ZFR: variants seen among roughly 807,000 people sequenced by gnomAD.
ZFR encodes zinc finger RNA-binding protein.
Under a neutral mutation model 130.7 loss-of-function variants are expected in ZFR, and 19 were observed. The ratio of observed to expected loss-of-function variants is 0.15; its 90% CI spans 0.10 to 0.21. The LOEUF (loss-of-function observed/expected upper bound fraction) is 0.21, where lower values mean the gene tolerates loss of function less well. Among genes scored for constraint, ZFR ranks in the 10% least tolerant of loss-of-function variants. The pLI, the probability that ZFR is intolerant of heterozygous loss-of-function variation, is 1.00. For synonymous variants in ZFR, 466 were observed against 456.9 expected (o/e 1.02, Z -0.25); for missense variants, 872 against 1,321.5 (o/e 0.66, Z 5.27).
At chr5:32,370,279 A>G (rs1034708909) in intron 17 of ZFR, among the ~76,000 whole-genome samples, 2 of 151,604 alleles carry the variant, frequency 1.3e-5, no homozygotes, top group Non-Finnish European at 2.9e-5. Context: ...GTCTAGAAAT[A>G]AAATATATAA....
chr5:32,357,452 G>T (rs1341179183), intron 19 of ZFR, among the ~76,000 whole-genome samples: 4 of 152,142 alleles, frequency 2.6e-5, no homozygotes, highest in African/African-American at 9.7e-5. Flanking sequence ...TTTTAGTAGA[G>T]ATGGGGTTTC....
intron 4 of ZFR, among the ~76,000 whole-genome samples, chr5:32,415,515 T>TGTGTGTGTGCGC (rs1326041688): frequency 6.1e-5 from 6 of 97,936 alleles, no homozygotes; most frequent in African/African-American, 1.5e-4. Flanking sequence ...TGTGTGTGTG[T>TGTGTGTGTGCGC]GCGCGCGCGC....
chr5:32,391,525 C>CTTTTTTTT (rs34370191), intron 11 of ZFR, among the ~76,000 whole-genome samples: 1 of 134,150 alleles, frequency 7.5e-6, no homozygotes. Flanking sequence ...GAAATCTACT[C>CTTTTTTTT]TTTTTTTTTT....
intron 10 of ZFR, among the ~76,000 whole-genome samples, chr5:32,396,570 T>C (rs1011264416): frequency 4.6e-5 from 7 of 152,080 alleles, no homozygotes; most frequent in Non-Finnish European, 1.0e-4. Context: ...AAACCCCATC[T>C]CTACTAAAAA....
intron 2 of ZFR, 143 bp from the exon 3 acceptor site, chr5:32,420,246 A>T: frequency 1.2e-6 from 1 of 834,342 alleles, no homozygotes; most frequent in Non-Finnish European, 1.7e-6. Flanking sequence ...AAGTACTTGA[A>T]CTCAATAAAC....
chr5:32,380,244 A>C, intron 15 of ZFR, 72 bp from the exon 16 acceptor site: 1 of 1,120,246 alleles, frequency 8.9e-7, no homozygotes, highest in South Asian at 1.3e-5. Flanking sequence ...CACTTCCTTA[A>C]GGTAGCATCA....
chr5:32,361,521 CTACA>C (rs1752430446), intron 19 of ZFR, among the ~76,000 whole-genome samples: 1 of 151,720 alleles, frequency 6.6e-6, no homozygotes, highest in Non-Finnish European at 1.5e-5. Context: ...GTGTTTTCTT[CTACA>C]TTAACAGAAA....
At chr5:32,367,420 A>C (rs1194005569) in intron 17 of ZFR, among the ~76,000 whole-genome samples, 4 of 151,630 alleles carry the variant, frequency 2.6e-5, no homozygotes, top group Non-Finnish European at 4.4e-5. Context: ...GGGCGACAAG[A>C]GTGAAACTCC....
chr5:32,443,054 A>T (rs1262645528), intron 2 of ZFR, among the ~76,000 whole-genome samples: 3 of 152,120 alleles, frequency 2.0e-5, no homozygotes, highest in Non-Finnish European at 4.4e-5. Context: ...TTATTCAAAA[A>T]AAAAAAATCA....
intron 19 of ZFR, among the ~76,000 whole-genome samples, chr5:32,358,599 C>T (rs928361731): frequency 1.3e-5 from 2 of 151,934 alleles, no homozygotes; most frequent in African/African-American, 4.8e-5. Flanking sequence ...GGCTGCACTC[C>T]AGCCTGGGCG....
rs1441927620 is a variant in ZFR, at chr5:32,444,341, C to T, written c.38-13G>A. Reference sequence around the variant, plus strand: ...AGCCGGCTGGGCACTGCGGCGGGCACGAAGAGTCGGGTCCCATGGCGGGAC... The same window carrying T: ...AGCCGGCTGGGCACTGCGGCGGGCATGAAGAGTCGGGTCCCATGGCGGGAC... On this transcript the variant is annotated splice_polypyrimidine_tract_variant and intron_variant, in intron 1 of 19. Coordinates refer to ENST00000265069, the MANE Select transcript of ZFR (RefSeq NM_016107.5). 1.3e-6 allele frequency: 2 copies of T among 1,534,376 alleles called. No homozygotes were observed. The highest frequency in any genetic ancestry group is 5.1e-5 in the East Asian group (2 of 39,176).
At chr5:32,379,675 G>A (rs980016481) in intron 16 of ZFR, 2 of 188,234 alleles carry the variant, frequency 1.1e-5, no homozygotes, top group South Asian at 1.1e-4. Context: ...TTAACTTAGA[G>A]AAAGAGGGGG....
At chr5:32,437,379 AAAGTGTATACAAGACT>A (rs1358096568) in intron 2 of ZFR, among the ~76,000 whole-genome samples, 1 of 152,234 alleles carries the variant, frequency 6.6e-6, no homozygotes, top group Admixed American at 6.5e-5. Flanking sequence ...ACTTTAATAT[AAAGTGTATACAAGACT>A]AATATTCAAA....
intron 12 of ZFR, 142 bp downstream of exon 12, chr5:32,390,133 C>A: frequency 9.1e-7 from 1 of 1,102,830 alleles, no homozygotes; most frequent in Non-Finnish European, 1.3e-6. Flanking sequence ...CCAGCCTGGG[C>A]GACAGAGCAA....
Position 32,387,456 on chromosome 5 carries a change from G to A in ZFR, c.2499+93C>T, listed in dbSNP as rs1001321825. On this transcript the variant is annotated intron_variant, in intron 14 of 19. Coordinates refer to ENST00000265069, the MANE Select transcript of ZFR (RefSeq NM_016107.5). ...CAGAAAGTCAAGCCAAAATTTTAAAGGCTGGCTTAGGTTTAAACCGAAGCA... is the reference window on the plus strand; with the variant it reads ...CAGAAAGTCAAGCCAAAATTTTAAAAGCTGGCTTAGGTTTAAACCGAAGCA... 1.0e-5 allele frequency: 15 copies of A among 1,445,356 alleles called. No homozygotes were observed. In the Admixed American group the frequency reaches 1.7e-4, roughly 16 times the overall value. The allele number at this position is 1,445,356 out of a possible 1,614,324, so 89.5% of individuals were successfully genotyped here.
chr5:32,436,326 T>TA (rs1038752906), intron 2 of ZFR, among the ~76,000 whole-genome samples: 7 of 151,650 alleles, frequency 4.6e-5, no homozygotes, highest in African/African-American at 1.7e-4. Context: ...TTTTTTTTTT[T>TA]ATTTTTAGTA....
intron 17 of ZFR, among the ~76,000 whole-genome samples, chr5:32,365,585 G>GTC (rs1474207361): frequency 2.0e-5 from 3 of 151,650 alleles, no homozygotes; most frequent in African/African-American, 7.2e-5. Flanking sequence ...TTGAGAAAGG[G>GTC]TCTTGTTCTG....
chr5:32,372,155 C>T (rs1383759443), intron 17 of ZFR, among the ~76,000 whole-genome samples: 2 of 152,196 alleles, frequency 1.3e-5, no homozygotes, highest in African/African-American at 2.4e-5. Context: ...CCAAATCCTA[C>T]TCCTTTTCAT....
At chr5:32,357,244 T>C (rs984844470) in intron 19 of ZFR, among the ~76,000 whole-genome samples, 11 of 152,028 alleles carry the variant, frequency 7.2e-5, no homozygotes, top group African/African-American at 2.4e-4. Context: ...GCTTGAGCTA[T>C]CATGACTGGC....
Sources: allele counts gnomAD v4.1 joint callset (sites outside exome capture counted in the v4.1 genomes callset), GRCh38; gene constraint gnomAD v4.1.1; transcripts MANE v1.5; gene names NCBI Gene and HGNC (gene_info 2026-07-23, HGNC 2026-07-21).